The following SMC1B variants were observed in gnomAD, a reference collection of about 807,000 sequenced individuals.
SMC1B encodes structural maintenance of chromosomes 1B.
Under a neutral mutation model 157.9 loss-of-function variants are expected in SMC1B, and 60 were observed. The ratio of observed to expected loss-of-function variants is 0.38; its 90% CI spans 0.31 to 0.47. The LOEUF (loss-of-function observed/expected upper bound fraction) is 0.47. Ranked by LOEUF, SMC1B falls within the 20% of genes least tolerant of loss-of-function variation. The probability of loss-of-function intolerance (pLI) is 0.99; values close to 1 mark genes in which losing one functional copy is unlikely to be tolerated. For synonymous variants in SMC1B, 445 were observed against 483.0 expected (o/e 0.92, Z 1.03); for missense variants, 1,165 against 1,426.2 (o/e 0.82, Z 2.95).
At chr22:45,407,586 T>C (rs908682466) in intron 2 of SMC1B, among the ~76,000 whole-genome samples, 2 of 151,962 alleles carry the variant, frequency 1.3e-5, no homozygotes, top group Non-Finnish European at 2.9e-5. Context: ...CTCAGCCTCC[T>C]AAGTACTGGG....
At chr22:45,374,157 C>A (rs1602067375) in intron 12 of SMC1B, among the ~76,000 whole-genome samples, 1 of 114,618 alleles carries the variant, frequency 8.7e-6, no homozygotes. Flanking sequence ...GAGAAAGAAT[C>A]TTGTGTAGTA....
chr22:45,393,928 A>C lies in SMC1B; in HGVS notation c.1338-87T>G, dbSNP rs969513028. On this transcript the variant is annotated intron_variant, in intron 8 of 24. Coordinates refer to ENST00000357450, the MANE Select transcript of SMC1B (RefSeq NM_148674.5). ...ACAACATACTCCTGTCTGGCATTGCAGGGGAATAGAGCAGTGCTCTATCAA... is the reference window on the plus strand; with the variant it reads ...ACAACATACTCCTGTCTGGCATTGCCGGGGAATAGAGCAGTGCTCTATCAA... 1.2e-5 allele frequency: 10 copies of C among 865,606 alleles called. No homozygotes were observed. In the African/African-American group the frequency reaches 1.7e-4, roughly 15 times the overall value. 53.6% of individuals were successfully genotyped at this position (865,606 alleles called of 1,614,324 possible).
At chr22:45,373,965 T>A (rs1052391071) in intron 12 of SMC1B, among the ~76,000 whole-genome samples, 2 of 151,922 alleles carry the variant, frequency 1.3e-5, no homozygotes, top group Admixed American at 1.3e-4. Flanking sequence ...AAAAAAAGGG[T>A]GTCCATTTCA....
At chr22:45,412,451 G>A (rs2087351498) in intron 1 of SMC1B, among the ~76,000 whole-genome samples, 1 of 148,552 alleles carries the variant, frequency 6.7e-6, no homozygotes, top group Admixed American at 6.8e-5. Context: ...CACCCGCCTC[G>A]GCCTCCTAAA....
chr22:45,397,443 G>A (rs931930523), intron 6 of SMC1B, among the ~76,000 whole-genome samples: 1 of 152,190 alleles, frequency 6.6e-6, no homozygotes, highest in Non-Finnish European at 1.5e-5. Context: ...AGTGAACTAT[G>A]ATTGATAGCA....
chr22:45,371,439 T>C (rs759413560), intron 14 of SMC1B, 32 bp downstream of exon 14: 2 of 1,554,146 alleles, frequency 1.3e-6, no homozygotes. Flanking sequence ...GAACTACATA[T>C]ACCATTTAGG....
intron 2 of SMC1B, among the ~76,000 whole-genome samples, chr22:45,407,688 A>G (rs1020130316): frequency 2.6e-5 from 4 of 152,144 alleles, no homozygotes; most frequent in Non-Finnish European, 4.4e-5. Flanking sequence ...AGTTCAAGCA[A>G]TCGTCCTGCT....
At chr22:45,382,958 AC>A (rs1479388646) in intron 12 of SMC1B, among the ~76,000 whole-genome samples, 1 of 152,032 alleles carries the variant, frequency 6.6e-6, no homozygotes, top group African/African-American at 2.4e-5. Context: ...ACATGGAGAA[AC>A]CCCGTCTCTA....
chr22:45,394,539 G>A (rs2087100662), intron 8 of SMC1B, 146 bp downstream of exon 8: 30 of 946,058 alleles, frequency 3.2e-5, no homozygotes, highest in Non-Finnish European at 4.2e-5. Flanking sequence ...TACAGGCTGA[G>A]GTAGGAGCGT....
chr22:45,346,262 A>G (rs1166623308), intron 23 of SMC1B, among the ~76,000 whole-genome samples: 1 of 152,210 alleles, frequency 6.6e-6, no homozygotes, highest in Non-Finnish European at 1.5e-5. Context: ...TTGCCAACTC[A>G]GCCTGAAAGG....
intron 12 of SMC1B, among the ~76,000 whole-genome samples, chr22:45,373,548 C>A (rs1431873448): frequency 6.6e-6 from 1 of 152,170 alleles, no homozygotes; most frequent in Non-Finnish European, 1.5e-5. Context: ...TAATTTGAGG[C>A]TTTAGGCAGT....
chr22:45,410,702 C>G (rs1278255803), intron 1 of SMC1B, among the ~76,000 whole-genome samples: 1 of 152,126 alleles, frequency 6.6e-6, no homozygotes, highest in African/African-American at 2.4e-5. Flanking sequence ...GACTCCATCT[C>G]AAGACAAAAG....
At chr22:45,358,625 CA>C in intron 19 of SMC1B, 71 bp downstream of exon 19, 2 of 948,468 alleles carry the variant, frequency 2.1e-6, no homozygotes, top group East Asian at 2.6e-5. Flanking sequence ...TTCTATCATC[CA>C]AAAATGATTC....
chr22:45,358,587 GA>G (rs1349502813), intron 19 of SMC1B, 109 bp downstream of exon 19: 7 of 654,674 alleles, frequency 1.1e-5, no homozygotes, highest in Admixed American at 3.3e-5. Context: ...AAACCATTAG[GA>G]AATCTTTTAA....
intron 22 of SMC1B, among the ~76,000 whole-genome samples, chr22:45,350,254 C>CTTT (rs66465413): frequency 1.5e-5 from 2 of 131,356 alleles, no homozygotes. Flanking sequence ...CTCCTGAGTT[C>CTTT]TTTTTTTTTT....
intron 18 of SMC1B, 72 bp downstream of exon 18, chr22:45,359,733 A>G (rs1379382579): frequency 3.3e-6 from 5 of 1,504,330 alleles, no homozygotes; most frequent in Non-Finnish European, 4.5e-6. Flanking sequence ...AGAACAAGAG[A>G]AAGAATAAGC....
At chr22:45,349,294 C>T (rs1329729219) in intron 23 of SMC1B, among the ~76,000 whole-genome samples, 3 of 151,970 alleles carry the variant, frequency 2.0e-5, no homozygotes, top group African/African-American at 7.3e-5. Flanking sequence ...GGATTACAGG[C>T]GTGAGCCACG....
chr22:45,396,490 C>T lies in SMC1B; in HGVS notation c.1114-4G>A, dbSNP rs765336293. ...TAAGTTCTTTATAACGATCCAGCTGCATAAACAGTATTGAAAAATTGCTAA... is the reference window on the plus strand; with the variant it reads ...TAAGTTCTTTATAACGATCCAGCTGTATAAACAGTATTGAAAAATTGCTAA... On this transcript the variant is annotated splice_region_variant and splice_polypyrimidine_tract_variant and intron_variant, in intron 6 of 24. Coordinates refer to ENST00000357450, the MANE Select transcript of SMC1B (RefSeq NM_148674.5). The T allele has an allele frequency of 3.1e-6, 5 of 1,602,848 alleles. No homozygotes were observed. The highest frequency in any genetic ancestry group is 4.3e-6 in the Non-Finnish European group (5 of 1,175,620).
At chr22:45,392,674 A>C (rs1442013617) in intron 9 of SMC1B, among the ~76,000 whole-genome samples, 1 of 152,042 alleles carries the variant, frequency 6.6e-6, no homozygotes, top group African/African-American at 2.4e-5. Flanking sequence ...GAAAACCATG[A>C]AAGTGTGGAT....
Sources: allele counts gnomAD v4.1 joint callset (sites outside exome capture counted in the v4.1 genomes callset), GRCh38; gene constraint gnomAD v4.1.1; transcripts MANE v1.5; gene names NCBI Gene and HGNC (gene_info 2026-07-23, HGNC 2026-07-21).